The following GNB1 variants were observed in gnomAD, a reference collection of about 807,000 sequenced individuals.
GNB1 encodes the protein G protein subunit beta 1.
A neutral mutation model predicts 42.9 loss-of-function variants in GNB1; 2 were observed. That is an observed-to-expected ratio of 0.05 (90% CI 0.02 to 0.15). The LOEUF (loss-of-function observed/expected upper bound fraction) is 0.15, where lower values mean the gene tolerates loss of function less well. GNB1 is among the 10% of genes least tolerant of loss of function. The probability of loss-of-function intolerance (pLI) is 1.00; values close to 1 mark genes in which losing one functional copy is unlikely to be tolerated. For missense variants in GNB1, 193 were observed against 462.2 expected (o/e 0.42, Z 5.34); for synonymous variants, 183 against 174.7 (o/e 1.05, Z -0.38).
intron 1 of GNB1, among the ~76,000 whole-genome samples, chr1:1,871,416 C>T (rs1649240545): frequency 1.3e-5 from 2 of 152,028 alleles, no homozygotes; most frequent in Non-Finnish European, 2.9e-5. Flanking sequence ...GCCCAGATCG[C>T]GCTACTGCAC....
At chr1:1,843,379 C>T (rs949166174) in intron 1 of GNB1, among the ~76,000 whole-genome samples, 3 of 151,940 alleles carry the variant, frequency 2.0e-5, no homozygotes, top group Non-Finnish European at 2.9e-5. Context: ...GCCACCATGC[C>T]CAGCTAATTA....
At position 1,785,866 on chromosome 1, in the gene GNB1, C is replaced by T. The variant is rs1210467342; in HGVS notation, c.*1197G>A. ...ATCCCGCTACCCAAGCGTGTAGAGC[C>T]GCGCGCTGTACTGCTTCCGATATGT... is the stretch of plus-strand genomic sequence containing the variant. On this transcript the variant is annotated 3_prime_UTR_variant, in exon 12 of 12. Coordinates refer to ENST00000378609, the MANE Select transcript of GNB1 (RefSeq NM_002074.5). 5.0e-6 allele frequency: 2 copies of T among 396,140 alleles called. No individual in the cohort carries two copies. Among genetic ancestry groups the T allele is most frequent in the Admixed American group, 4.4e-5 (1 of 22,506 alleles). 24.5% of individuals were successfully genotyped at this position (396,140 alleles called of 1,614,324 possible).
At chr1:1,802,854 A>G (rs988499659) in intron 7 of GNB1, among the ~76,000 whole-genome samples, 2 of 152,182 alleles carry the variant, frequency 1.3e-5, no homozygotes, top group East Asian at 3.8e-4. Context: ...AAGTGATTCT[A>G]TTTGAAAAGG....
At chr1:1,837,779 G>C (rs952721076) in intron 2 of GNB1, among the ~76,000 whole-genome samples, 1 of 150,666 alleles carries the variant, frequency 6.6e-6, no homozygotes, top group East Asian at 2.0e-4. Flanking sequence ...TGGCCAGGAT[G>C]GTCTCGATCT....
intron 1 of GNB1, among the ~76,000 whole-genome samples, chr1:1,862,667 C>G (rs1215541252): frequency 6.6e-6 from 1 of 151,866 alleles, no homozygotes; most frequent in African/African-American, 2.4e-5. Flanking sequence ...CCCATGTTGC[C>G]TAGGCTGGTC....
At chr1:1,880,553 T>A (rs1649787546) in intron 1 of GNB1, among the ~76,000 whole-genome samples, 1 of 151,728 alleles carries the variant, frequency 6.6e-6, no homozygotes, top group African/African-American at 2.4e-5. Flanking sequence ...GCCACTGCAC[T>A]CCAGCCTGGG....
At chr1:1,828,251 G>A (rs1647025977) in intron 2 of GNB1, among the ~76,000 whole-genome samples, 1 of 152,108 alleles carries the variant, frequency 6.6e-6, no homozygotes, top group African/African-American at 2.4e-5. Context: ...AACCTGGGAG[G>A]TGGAGGTTGC....
At chr1:1,846,922 G>T (rs147437295) in intron 1 of GNB1, among the ~76,000 whole-genome samples, 241 of 152,264 alleles carry the variant, frequency 1.6e-3, no homozygotes, top group African/African-American at 5.7e-3. Context: ...GATCAGTTTA[G>T]AAAGAGGGTT....
At chr1:1,881,763 A>C (rs1188509685) in intron 1 of GNB1, among the ~76,000 whole-genome samples, 1 of 152,156 alleles carries the variant, frequency 6.6e-6, no homozygotes, top group Non-Finnish European at 1.5e-5. Flanking sequence ...CCACTCTCCT[A>C]GCCCTTTGGA....
intron 8 of GNB1, 123 bp downstream of exon 8, chr1:1,793,122 G>A: frequency 3.7e-6 from 2 of 545,862 alleles, no homozygotes; most frequent in Admixed American, 6.0e-5. Context: ...TAAATCTTAA[G>A]GCCACTTAAA....
rs60651257 is a variant in GNB1, at chr1:1,885,551, C to CT, written c.-96+5268dup. 2.3e-3 allele frequency among the ~76,000 whole-genome samples: 220 copies of CT among 94,066 alleles called. 4 individuals carry two copies. Among genetic ancestry groups the CT allele is most frequent in the South Asian group, 0.017 (48 of 2,850 alleles). 61.7% of individuals were successfully genotyped at this position (94,066 alleles called of 152,430 possible). ...AAATAAGGAAATACTTCCACTTAAT[C>CT]TTTTTTTTTTTTTTTTTTTTTGTGA... On this transcript the variant is annotated intron_variant, in intron 1 of 11. Coordinates refer to ENST00000378609, the MANE Select transcript of GNB1 (RefSeq NM_002074.5).
At chr1:1,855,164 A>C (rs1432737587) in intron 1 of GNB1, among the ~76,000 whole-genome samples, 1 of 151,342 alleles carries the variant, frequency 6.6e-6, no homozygotes, top group Non-Finnish European at 1.5e-5. Flanking sequence ...ATCTCAAAAA[A>C]AAAAAAAACA....
chr1:1,788,844 CG>C, intron 10 of GNB1: 1 of 539,436 alleles, frequency 1.9e-6, no homozygotes. Context: ...CCCTCCCCGA[CG>C]CATGTGGGAA....
intron 1 of GNB1, among the ~76,000 whole-genome samples, chr1:1,845,218 G>A (rs1647562657): frequency 2.0e-5 from 3 of 152,194 alleles, no homozygotes; most frequent in South Asian, 4.1e-4. Flanking sequence ...GTACAAACGT[G>A]GGGGTACATT....
chr1:1,824,066 C>T (rs1418005262), intron 3 of GNB1, among the ~76,000 whole-genome samples: 1 of 152,096 alleles, frequency 6.6e-6, no homozygotes, highest in Non-Finnish European at 1.5e-5. Flanking sequence ...GCTTCCTGTA[C>T]AGCGACACTC....
At chr1:1,824,396 G>A (rs528845168) in intron 3 of GNB1, among the ~76,000 whole-genome samples, 6 of 152,090 alleles carry the variant, frequency 3.9e-5, no homozygotes, top group South Asian at 2.1e-4. Flanking sequence ...AGACGAGATC[G>A]CGCCACTGCA....
intron 2 of GNB1, among the ~76,000 whole-genome samples, chr1:1,827,592 T>C (rs997707043): frequency 2.0e-5 from 3 of 152,206 alleles, no homozygotes; most frequent in African/African-American, 7.2e-5. Flanking sequence ...GACTGTGATT[T>C]GTGGACGTTA....
intron 1 of GNB1, among the ~76,000 whole-genome samples, chr1:1,842,994 G>C (rs567019993): frequency 2.4e-4 from 37 of 152,312 alleles, no homozygotes; most frequent in Non-Finnish European, 3.8e-4. Context: ...GTGTGTGTGT[G>C]TCCCCAGGAG....
rs900153203 is a variant in GNB1, at chr1:1,818,290, A to G, written c.58-415T>C. On this transcript the variant is annotated intron_variant, in intron 3 of 11. Coordinates refer to ENST00000378609, the MANE Select transcript of GNB1 (RefSeq NM_002074.5). ...TCTAGGGTCAGGAAGGCTGTGGCCC[A>G]AAGAAAAGGTCTATTAAAAAAAAAA... 2.7e-5 allele frequency: 4 copies of G among 148,080 alleles called. No homozygotes were observed. In the Admixed American group the frequency reaches 2.8e-4, roughly 10 times the overall value. 9.2% of individuals were successfully genotyped at this position (148,080 alleles called of 1,614,324 possible).
Sources: gnomAD v4.1 joint callset for allele counts (sites outside exome capture counted in the v4.1 genomes callset) on GRCh38, gnomAD v4.1.1 for gene constraint, MANE v1.5 for transcripts, NCBI Gene and HGNC (gene_info 2026-07-23, HGNC 2026-07-21) for gene names.